AGBL1: variants seen among roughly 807,000 people sequenced by gnomAD.
AGBL1 encodes AGBL carboxypeptidase 1, also known as cytosolic carboxypeptidase 4.
In AGBL1, 130 loss-of-function variants were observed where a neutral mutation model predicts 118.9. The ratio of observed to expected loss-of-function variants is 1.09; its 90% CI spans 0.95 to 1.26. The LOEUF (loss-of-function observed/expected upper bound fraction) is 1.26. Among genes scored for constraint, AGBL1 ranks in the 50% most tolerant of loss-of-function variants. The pLI is 0.00. For missense variants in AGBL1, 1,584 were observed against 1,298.1 expected, an observed-to-expected ratio of 1.22 and a Z score of -3.38; for synonymous variants, 555 against 478.9, an observed-to-expected ratio of 1.16 and a Z score of -2.08.
In AGBL1 at chr15:86,264,631, G is replaced by C; in HGVS notation, c.1460G>C (p.Arg487Thr). 1.2e-6 allele frequency: 2 copies of C among 1,613,846 alleles called. No individual in the cohort carries two copies. Among genetic ancestry groups the C allele is most frequent in the South Asian group, 1.1e-5 (1 of 91,038 alleles). ...AGTGCCTCCTTTTCTAATTCCACTA[G>C]GACTAGAGAAGTTGTCAAAGTAATA... ...RMSASFSNST[R>T]TREVVKVIDK... Residue 487 changes from arginine to threonine, a missense_variant, in exon 11 of 23, where the codon AGG (arginine) becomes ACG (threonine). Arg to Thr is a moderately conservative substitution (Grantham distance 71). Coordinates refer to ENST00000614907, the MANE Select transcript of AGBL1 (RefSeq NM_001386094.1).
intron 5 of AGBL1, among the ~76,000 whole-genome samples, chr15:86,184,449 G>A (rs374790042): frequency 4.4e-5 from 3 of 68,586 alleles, no homozygotes; most frequent in African/African-American, 1.5e-4. Flanking sequence ...TTTTTTTTTT[G>A]TCTCAAGAGG....
intron 22 of AGBL1, among the ~76,000 whole-genome samples, chr15:86,870,362 T>G (rs2079703411): frequency 6.7e-6 from 1 of 150,070 alleles, no homozygotes; most frequent in African/African-American, 2.5e-5. Context: ...GATTTAAGCT[T>G]TTCCATTTCC....
At chr15:86,322,340 G>A (rs145446077) in intron 17 of AGBL1, among the ~76,000 whole-genome samples, 65 of 151,792 alleles carry the variant, frequency 4.3e-4, no homozygotes, top group African/African-American at 1.5e-3. Context: ...TGTTAGGTGC[G>A]TATAAATTTA....
At chr15:86,895,676 A>T (rs1388223590) in intron 22 of AGBL1, among the ~76,000 whole-genome samples, 1 of 152,026 alleles carries the variant, frequency 6.6e-6, no homozygotes, top group African/African-American at 2.4e-5. Flanking sequence ...ATTAAGCTTT[A>T]AATTTAGAAT....
intron 18 of AGBL1, among the ~76,000 whole-genome samples, chr15:86,464,311 G>A (rs1249268030): frequency 6.6e-6 from 1 of 152,174 alleles, no homozygotes; most frequent in East Asian, 1.9e-4. Flanking sequence ...CTTTGCTGAA[G>A]TTGCTTATGA....
chr15:86,185,515 A>G (rs550490513), intron 5 of AGBL1, among the ~76,000 whole-genome samples: 18 of 152,312 alleles, frequency 1.2e-4, no homozygotes, highest in African/African-American at 4.3e-4. Context: ...CCAAATGTCC[A>G]TCAATGATAG....
At position 86,554,482 on chromosome 15, in the gene AGBL1, C is replaced by G; in HGVS notation, c.2939C>G (p.Ser980Cys). 1 of 1,583,596 alleles carries G rather than the reference C, an allele frequency of 6.3e-7. No homozygotes were observed. Among genetic ancestry groups the G allele is most frequent in the Non-Finnish European group, 8.6e-7 (1 of 1,165,696 alleles). Reference protein sequence around the residue: ...RVVVWREMGVSRSYTMESSYC... With the variant: ...RVVVWREMGVCRSYTMESSYC... ...GTGGTGTGGAGAGAGATGGGGGTGTCCAGAAGCTACACCATGGAAAGCAGC... is the reference window on the plus strand; with the variant it reads ...GTGGTGTGGAGAGAGATGGGGGTGTGCAGAAGCTACACCATGGAAAGCAGC... The change falls in exon 21 of 23, where the codon TCC becomes TGC. Residue 980 changes from serine to cysteine, a missense_variant. By Grantham distance (112) the Ser-to-Cys change is moderately radical (BLOSUM62 -1). Transcript: ENST00000614907.
intron 21 of AGBL1, among the ~76,000 whole-genome samples, chr15:86,648,629 C>T (rs1159056404): frequency 6.6e-6 from 1 of 152,164 alleles, no homozygotes; most frequent in African/African-American, 2.4e-5. Flanking sequence ...CCGGAAAGGT[C>T]TGGGCTGTAG....
intron 18 of AGBL1, among the ~76,000 whole-genome samples, chr15:86,478,864 G>T (rs1274868849): frequency 1.3e-5 from 2 of 152,134 alleles, no homozygotes; most frequent in Non-Finnish European, 2.9e-5. Flanking sequence ...AAAACAGCAC[G>T]ATACTGGTAC....
chr15:86,260,332 T>C (rs1389932544), intron 9 of AGBL1, among the ~76,000 whole-genome samples: 1 of 152,204 alleles, frequency 6.6e-6, no homozygotes, highest in Non-Finnish European at 1.5e-5. Context: ...AGCCTGTTAG[T>C]AAGAATGATT....
chr15:86,227,057 C>T (rs2078377336), intron 6 of AGBL1, among the ~76,000 whole-genome samples: 1 of 151,966 alleles, frequency 6.6e-6, no homozygotes, highest in Non-Finnish European at 1.5e-5. Context: ...TACTGGGATA[C>T]CAAATTTTTA....
At chr15:86,367,456 A>T (rs868116424) in intron 17 of AGBL1, among the ~76,000 whole-genome samples, 2 of 152,180 alleles carry the variant, frequency 1.3e-5, no homozygotes, top group South Asian at 4.1e-4. Flanking sequence ...AGTTTTTACC[A>T]GTCAGTCTGC....
intron 1 of AGBL1, among the ~76,000 whole-genome samples, chr15:86,082,745 T>A (rs992741442): frequency 2.2e-4 from 34 of 152,314 alleles, no homozygotes; most frequent in Non-Finnish European, 3.5e-4. Flanking sequence ...GTCCCGAAGG[T>A]CTGAGAATCA....
intron 19 of AGBL1, among the ~76,000 whole-genome samples, chr15:86,531,979 C>T (rs914054808): frequency 4.2e-4 from 64 of 151,606 alleles, no homozygotes; most frequent in African/African-American, 1.0e-3. Flanking sequence ...TAAGAGCTAT[C>T]TATGACAAAC....
intron 22 of AGBL1, among the ~76,000 whole-genome samples, chr15:86,680,745 T>C (rs1469476113): frequency 6.6e-6 from 1 of 151,760 alleles, no homozygotes; most frequent in African/African-American, 2.4e-5. Context: ...TTTTATATTT[T>C]TAGTAGAGAC....
intron 24 of AGBL1, among the ~76,000 whole-genome samples, chr15:87,025,182 G>A (rs2081713294): frequency 1.3e-5 from 2 of 152,134 alleles, no homozygotes; most frequent in South Asian, 4.1e-4. Context: ...TAAAGAGGGA[G>A]TCAAACTGCT....
intron 22 of AGBL1, among the ~76,000 whole-genome samples, chr15:86,722,689 A>G (rs375187016): frequency 8.5e-5 from 13 of 152,302 alleles, no homozygotes; most frequent in Admixed American, 2.6e-4. Context: ...CTTCTGCACA[A>G]CAAAAGAAAC....
At chr15:86,343,920 G>A (rs1460600557) in intron 17 of AGBL1, among the ~76,000 whole-genome samples, 1 of 152,104 alleles carries the variant, frequency 6.6e-6, no homozygotes, top group Non-Finnish European at 1.5e-5. Context: ...TTCCTCAAAT[G>A]GTGAATAATC....
intron 21 of AGBL1, among the ~76,000 whole-genome samples, chr15:86,581,930 G>A (rs1483241018): frequency 6.6e-6 from 1 of 152,124 alleles, no homozygotes; most frequent in African/African-American, 2.4e-5. Flanking sequence ...ATATATGACA[G>A]GCATGAGATC....
Sources: allele counts gnomAD v4.1 joint callset (sites outside exome capture counted in the v4.1 genomes callset), GRCh38; gene constraint gnomAD v4.1.1; transcripts MANE v1.5; gene names NCBI Gene and HGNC (gene_info 2026-07-23, HGNC 2026-07-21).